LSS: variants seen among roughly 807,000 people sequenced by gnomAD.
LSS encodes the protein 2,3-epoxysqualene-lanosterol cyclase.
A neutral mutation model predicts 110.3 loss-of-function variants in LSS; 90 were observed. The ratio of observed to expected loss-of-function variants is 0.82; its 90% CI spans 0.69 to 0.97. The LOEUF (loss-of-function observed/expected upper bound fraction) is 0.97, where lower values mean the gene tolerates loss of function less well. Among genes scored for constraint, LSS ranks in the 50% least tolerant of loss-of-function variants. The probability of loss-of-function intolerance (pLI) is 0.00; values close to 1 mark genes in which losing one functional copy is unlikely to be tolerated. For missense variants in LSS, 927 were observed against 990.0 expected, an observed-to-expected ratio of 0.94 and a Z score of 0.85; for synonymous variants, 433 against 400.0, an observed-to-expected ratio of 1.08 and a Z score of -0.98.
chr21:46,223,660 C>A (rs574622711), intron 3 of LSS, among the ~76,000 whole-genome samples: 6 of 152,162 alleles, frequency 3.9e-5, no homozygotes, highest in African/African-American at 1.2e-4. Flanking sequence ...TACTCTTTAT[C>A]CCAATATTAT....
In LSS at chr21:46,206,692, A is replaced by G. The variant is rs1449200602; in HGVS notation, c.1544T>C (p.Leu515Pro). The G allele has an allele frequency of 6.2e-7, 1 of 1,612,908 alleles. No homozygotes were observed. The highest frequency in any genetic ancestry group is 8.5e-7 in the Non-Finnish European group (1 of 1,179,980). ...CTCACCGAAGACCTCCGAGGGGTTCAGCAGCTCCAGCAAGTGCCCCCCACG... is the reference window on the plus strand; with the variant it reads ...CTCACCGAAGACCTCCGAGGGGTTCGGCAGCTCCAGCAAGTGCCCCCCACG... ...TKRGGHLLEL[L>P]NPSEVFGDIM... The change falls in exon 16 of 22, where the codon CTG becomes CCG. Residue 515 changes from leucine to proline, a missense_variant. Leu to Pro is a moderately conservative substitution (Grantham distance 98, BLOSUM62 -3). Transcript: ENST00000397728.
At chr21:46,221,181 G>A (rs2080275418) in intron 5 of LSS, among the ~76,000 whole-genome samples, 2 of 151,202 alleles carry the variant, frequency 1.3e-5, no homozygotes, top group Non-Finnish European at 3.0e-5. Flanking sequence ...CCCCGGGCTT[G>A]GAGAGGTGGA....
At chr21:46,218,084 C>T (rs1267082794) in intron 6 of LSS, among the ~76,000 whole-genome samples, 1 of 151,320 alleles carries the variant, frequency 6.6e-6, no homozygotes, top group Non-Finnish European at 1.5e-5. Flanking sequence ...TTCCTGCCTC[C>T]CCTAACTTGA....
chr21:46,214,633 C>T (rs1372258588), intron 9 of LSS, among the ~76,000 whole-genome samples: 1 of 152,146 alleles, frequency 6.6e-6, no homozygotes, highest in East Asian at 1.9e-4. Context: ...TGTCAGGAGG[C>T]GGCCACGCAC....
chr21:46,196,729 C>T (rs1490058603), intron 17 of LSS, among the ~76,000 whole-genome samples: 1 of 152,228 alleles, frequency 6.6e-6, no homozygotes, highest in African/African-American at 2.4e-5. Context: ...CAGTGTCACC[C>T]TGTGGGACGT....
chr21:46,194,378 G>A, intron 20 of LSS, 113 bp downstream of exon 20: 1 of 1,278,072 alleles, frequency 7.8e-7, no homozygotes, highest in Non-Finnish European at 1.1e-6. Context: ...AGCTGACCTG[G>A]CCCACAGGCC....
chr21:46,227,655 G>C lies in LSS; in HGVS notation c.216C>G (p.Thr72=). 6.2e-7 allele frequency: 1 copy of C among 1,613,862 alleles called. No individual in the cohort carries two copies. The change falls in exon 3 of 22, where the codon ACC becomes ACG. Residue 72 remains threonine, a synonymous_variant. Coordinates refer to ENST00000397728, the MANE Select transcript of LSS (RefSeq NM_002340.6). ...TCCCGTTCAGAGCCCCCTCAAAGGCGGTGTGGGCTTTGGGCAAGTCCTTAA... is the reference window on the plus strand; with the variant it reads ...TCCCGTTCAGAGCCCCCTCAAAGGCCGTGTGGGCTTTGGGCAAGTCCTTAA... The part of the protein sequence containing the change: ...NYFKDLPKAH[T]AFEGALNGMT...
intron 4 of LSS, chr21:46,222,333 CAG>C: frequency 1.9e-6 from 1 of 533,838 alleles, no homozygotes; most frequent in Non-Finnish European, 3.3e-6. Flanking sequence ...GCTGCCAGCC[CAG>C]AGTCAAGGGC....
At chr21:46,207,741 C>T (rs1473282041) in intron 14 of LSS, among the ~76,000 whole-genome samples, 164 bp from the exon 15 acceptor site, 1 of 152,204 alleles carries the variant, frequency 6.6e-6, no homozygotes, top group Admixed American at 6.5e-5. Flanking sequence ...CTGGGTACAT[C>T]CAGACAGACC....
intron 20 of LSS, chr21:46,192,278 C>A: frequency 2.1e-6 from 1 of 472,388 alleles, no homozygotes; most frequent in Non-Finnish European, 3.9e-6. Flanking sequence ...TCATGGGCCT[C>A]TGGAGACCCA....
Position 46,223,231 on chromosome 21 carries a change from T to C in LSS, c.320-493A>G, listed in dbSNP as rs1288982488. ...CTGTTTCAAAATTTTTTTACAAGCA[T>C]ATGCCGCTTTGCAAATGTCAGGGGG... On this transcript the variant is annotated intron_variant, in intron 3 of 21. Coordinates refer to ENST00000397728, the MANE Select transcript of LSS (RefSeq NM_002340.6). Among the ~76,000 whole-genome samples the C allele has an allele frequency of 2.0e-5, 3 of 152,346 alleles. No individual in the cohort carries two copies. The South Asian group carries it at 6.2e-4, about 32-fold the overall frequency.
At chr21:46,193,704 G>A (rs1256037587) in intron 20 of LSS, 1 of 452,260 alleles carries the variant, frequency 2.2e-6, no homozygotes, top group South Asian at 1.6e-5. Flanking sequence ...CTGCATGTGT[G>A]TACACAGGTG....
intron 17 of LSS, among the ~76,000 whole-genome samples, chr21:46,200,116 T>A (rs1381778689): frequency 1.3e-5 from 2 of 152,086 alleles, no homozygotes; most frequent in South Asian, 2.1e-4. Context: ...TAAATTTTTT[T>A]AAAAGTTTAG....
At chr21:46,220,053 C>T (rs1302185617) in intron 5 of LSS, among the ~76,000 whole-genome samples, 4 of 152,284 alleles carry the variant, frequency 2.6e-5, no homozygotes, top group Middle Eastern at 3.4e-3. Context: ...GGAACAAAGA[C>T]GACCCTAGAC....
chr21:46,206,846 T>C (rs892156664), intron 15 of LSS, 78 bp from the exon 16 acceptor site: 3 of 1,035,870 alleles, frequency 2.9e-6, no homozygotes, highest in East Asian at 2.4e-5. Flanking sequence ...CGGAACTCTC[T>C]AGAGGCAACA....
Position 46,209,464 on chromosome 21 carries a change from G to T in LSS, c.1266+90C>A. ...ACACCAGTGCAGGAAATAGGGCAGG[G>T]TGGAGGTGAGGTGGGCACTTCTGCC... On this transcript the variant is annotated intron_variant, in intron 13 of 21. Transcript: ENST00000397728. This position sits in a 1 kb window ranked among gnomAD's most constrained non-coding sequence, Gnocchi z 4.4. 1.7e-6 allele frequency: 2 copies of T among 1,183,732 alleles called. No individual in the cohort carries two copies. Among genetic ancestry groups the T allele is most frequent in the Non-Finnish European group, 1.2e-6 (1 of 833,130 alleles). The allele number at this position is 1,183,732 out of a possible 1,614,324, so 73.3% of individuals were successfully genotyped here.
chr21:46,221,500 G>A (rs1464571927), intron 5 of LSS, among the ~76,000 whole-genome samples: 2 of 152,102 alleles, frequency 1.3e-5, no homozygotes, highest in Non-Finnish European at 2.9e-5. Context: ...GAGACTACAG[G>A]TGCATATCAT....
rs2080323456 is a variant in LSS at position 46,225,285 on chromosome 21, G to T, written c.319+2267C>A. ...AGTGAGAAGTGACCAGAAGACAAGA[G>T]TGAGAGCCTTCTGTTAAGCCCGGAC... On this transcript the variant is annotated intron_variant, in intron 3 of 21. Transcript: ENST00000397728. The T allele has an allele frequency of 7.5e-6, 3 of 399,820 alleles. No homozygotes were observed. In the Admixed American group the frequency reaches 8.3e-5, roughly 11 times the overall value. 24.8% of individuals were successfully genotyped at this position (399,820 alleles called of 1,614,324 possible).
At chr21:46,222,782 T>C in intron 3 of LSS, 44 bp from the exon 4 acceptor site, 2 of 1,476,110 alleles carry the variant, frequency 1.4e-6, no homozygotes, top group South Asian at 1.1e-5. Context: ...CAGGTGGTCA[T>C]GACTGCTAAG....
Sources: allele counts gnomAD v4.1 joint callset (sites outside exome capture counted in the v4.1 genomes callset), GRCh38; gene constraint gnomAD v4.1.1; non-coding constraint Gnocchi (gnomAD v3.1); transcripts MANE v1.5; gene names NCBI Gene and HGNC (gene_info 2026-07-23, HGNC 2026-07-21).